NR1I2: variants seen among roughly 807,000 people sequenced by gnomAD.
The protein encoded by NR1I2 is nuclear receptor subfamily 1 group I member 2, also known as orphan nuclear receptor PAR1.
In NR1I2, 42 loss-of-function variants were observed where a neutral mutation model predicts 43.3. The ratio of observed to expected loss-of-function variants is 0.97; its 90% CI spans 0.76 to 1.26. The LOEUF (loss-of-function observed/expected upper bound fraction) is 1.26. NR1I2 is among the 50% of genes most tolerant of loss of function. The probability of loss-of-function intolerance (pLI) is 0.00; values close to 1 mark genes in which losing one functional copy is unlikely to be tolerated. For missense variants in NR1I2, 559 were observed against 566.7 expected (o/e 0.99, Z 0.14); for synonymous variants, 229 against 215.0 (o/e 1.06, Z -0.57).
Position 119,807,443 on chromosome 3 carries a change from T to C in NR1I2, c.193T>C (p.Phe65Leu), listed in dbSNP as rs1316167492. Residue 65 changes from phenylalanine (F) to leucine (L), a missense_variant, in exon 2 of 9, where the codon TTC (phenylalanine) becomes CTC (leucine). By Grantham distance (22) the Phe-to-Leu change is conservative (BLOSUM62 0). This residue lies in a region of NR1I2 where 232 missense variants were observed against 236.6 expected (regional missense o/e 0.98). Transcript: ENST00000393716. ...GACATGTGAAGGATGCAAGGGCTTT[T>C]TCAGGTAGAGTTACCCATCAGCCTT... The C allele has an allele frequency of 1.2e-6, 2 of 1,613,300 alleles. No individual in the cohort carries two copies. Among genetic ancestry groups the C allele is most frequent in the South Asian group, 2.2e-5 (2 of 91,030 alleles).
chr3:119,816,683 A>G (rs1484853878), intron 8 of NR1I2, among the ~76,000 whole-genome samples: 1 of 152,058 alleles, frequency 6.6e-6, no homozygotes, highest in Non-Finnish European at 1.5e-5. Context: ...TTAGCCAGGT[A>G]TGGTGGCATG....
intron 1 of NR1I2, among the ~76,000 whole-genome samples, chr3:119,806,149 G>A (rs555502347): frequency 6.6e-6 from 1 of 152,326 alleles, no homozygotes; most frequent in South Asian, 2.1e-4. Context: ...AGTGCCTAGA[G>A]AGAATTTTGG....
intron 2 of NR1I2, 95 bp downstream of exon 2, chr3:119,807,542 T>C: frequency 9.1e-7 from 1 of 1,099,100 alleles, no homozygotes; most frequent in Non-Finnish European, 1.4e-6. Context: ...AGGTTCAGAG[T>C]GTGGGCTGGT....
intron 3 of NR1I2, among the ~76,000 whole-genome samples, chr3:119,810,725 T>C (rs1411330150): frequency 6.6e-6 from 1 of 152,216 alleles, no homozygotes; most frequent in Non-Finnish European, 1.5e-5. Flanking sequence ...CACTATGAGA[T>C]TAAGGCTCAT....
chr3:119,804,508 G>A (rs1263256373), intron 1 of NR1I2, among the ~76,000 whole-genome samples: 3 of 145,778 alleles, frequency 2.1e-5, no homozygotes, highest in Non-Finnish European at 3.0e-5. Flanking sequence ...GCAGTGGCGC[G>A]ATTTCGGCTC....
At chr3:119,802,994 G>A (rs1461295021) in intron 1 of NR1I2, 5 of 456,360 alleles carry the variant, frequency 1.1e-5, no homozygotes, top group African/African-American at 6.0e-5. Flanking sequence ...GGGTGATTGG[G>A]TCATGAGGGT....
At chr3:119,787,657 A>ATGTGTG (rs3030846) in intron 1 of NR1I2, among the ~76,000 whole-genome samples, 12 of 128,444 alleles carry the variant, frequency 9.3e-5, no homozygotes, top group African/African-American at 3.3e-4. Context: ...TGCTATTAAT[A>ATGTGTG]TGTGTGTGTG....
intron 1 of NR1I2, among the ~76,000 whole-genome samples, chr3:119,789,086 G>A (rs2054883472): frequency 6.6e-6 from 1 of 152,136 alleles, no homozygotes; most frequent in Non-Finnish European, 1.5e-5. Context: ...TGTAAGCACA[G>A]GCTCCAGGTT....
At position 119,817,286 on chromosome 3, in the gene NR1I2, G is replaced by T; in HGVS notation, c.*74G>T. ...CTCTGAGCCGCCACTCCCGGGCCAA[G>T]ACAGATGGACACTGCCAAGAGCCGA... On this transcript the variant is annotated 3_prime_UTR_variant, in exon 9 of 9. Coordinates refer to ENST00000393716, the MANE Select transcript of NR1I2 (RefSeq NM_003889.4). 4.4e-6 allele frequency: 7 copies of T among 1,605,480 alleles called. No individual in the cohort carries two copies. Among genetic ancestry groups the T allele is most frequent in the Non-Finnish European group, 5.9e-6 (7 of 1,179,230 alleles).
At chr3:119,797,732 G>C (rs1287252483) in intron 1 of NR1I2, among the ~76,000 whole-genome samples, 1 of 152,120 alleles carries the variant, frequency 6.6e-6, no homozygotes, top group East Asian at 1.9e-4. Flanking sequence ...CCCTCCTGAA[G>C]TTCCATGCTC....
At chr3:119,806,088 TG>T (rs1271477335) in intron 1 of NR1I2, among the ~76,000 whole-genome samples, 2 of 152,218 alleles carry the variant, frequency 1.3e-5, no homozygotes, top group African/African-American at 4.8e-5. Flanking sequence ...GTTTCGATTT[TG>T]GCATTAGAAA....
chr3:119,817,184 A>G lies in NR1I2; in HGVS notation c.1277A>G (p.Gln426Arg). 2.5e-6 allele frequency: 4 copies of G among 1,614,074 alleles called. No homozygotes were observed. Among genetic ancestry groups the G allele is most frequent in the South Asian group, 1.1e-5 (1 of 91,080 alleles). The change falls in exon 9 of 9, where the codon CAG becomes CGG. Residue 426 changes from glutamine to arginine, a missense_variant. By Grantham distance (43) the Gln-to-Arg change is conservative (BLOSUM62 1). Around this residue, in one of 3 missense-constraint regions of NR1I2, gnomAD observed 323 missense variants for 312.2 expected, o/e 1.03. Transcript: ENST00000393716. The stretch of plus-strand genomic sequence containing the variant: ...CACCCCTTTGCTACGCCCCTCATGC[A>G]GGAGTTGTTCGGCATCACAGGTAGC...
intron 1 of NR1I2, among the ~76,000 whole-genome samples, chr3:119,795,204 G>T: frequency 6.6e-6 from 1 of 152,168 alleles, no homozygotes; most frequent in East Asian, 1.9e-4. Context: ...CGACTCTCCG[G>T]CTGTGACCCT....
chr3:119,799,423 T>C (rs1426355814), intron 1 of NR1I2, among the ~76,000 whole-genome samples: 2 of 152,250 alleles, frequency 1.3e-5, no homozygotes, highest in Non-Finnish European at 2.9e-5. Context: ...TCATATATTC[T>C]GGATACAAGT....
At chr3:119,810,737 C>T (rs1447679630) in intron 3 of NR1I2, among the ~76,000 whole-genome samples, 3 of 152,166 alleles carry the variant, frequency 2.0e-5, no homozygotes, top group East Asian at 1.9e-4. Context: ...AAGGCTCATG[C>T]GGAAAAGGCT....
chr3:119,815,134 G>A lies in NR1I2; in HGVS notation c.937+13G>A, dbSNP rs763345048. ...GAAGACACTGCAGGTGCCCGAGAGA[G>A]CCTGCCTGCCCTGGCAGAGGGAGGG... On this transcript the variant is annotated intron_variant, in intron 6 of 8. Transcript: ENST00000393716. 1.9e-6 allele frequency: 3 copies of A among 1,614,136 alleles called. No homozygotes were observed. The highest frequency in any genetic ancestry group is 2.5e-6 in the Non-Finnish European group (3 of 1,180,028).
At chr3:119,812,066 G>A (rs908806830) in intron 4 of NR1I2, among the ~76,000 whole-genome samples, 1 of 152,154 alleles carries the variant, frequency 6.6e-6, no homozygotes, top group Non-Finnish European at 1.5e-5. Context: ...CTTTAAGGCA[G>A]GTAGGAACTG....
intron 1 of NR1I2, among the ~76,000 whole-genome samples, chr3:119,791,386 G>A (rs1399468478): frequency 1.3e-5 from 2 of 152,180 alleles, no homozygotes; most frequent in Non-Finnish European, 2.9e-5. Flanking sequence ...GGAGAGGTGG[G>A]AGGCTGTGAA....
Position 119,815,747 on chromosome 3 carries a change from A to G in NR1I2, c.1076A>G (p.His359Arg), listed in dbSNP as rs773969078. Residue 359 changes from histidine to arginine, a missense_variant, in exon 8 of 9, where the codon CAC becomes CGC. Coordinates refer to ENST00000393716, the MANE Select transcript of NR1I2 (RefSeq NM_003889.4). ...CCAGACCGCCCAGGTGTGCTGCAGCACCGCGTGGTGGACCAGCTGCAGGAG... is the reference window on the plus strand; with the variant it reads ...CCAGACCGCCCAGGTGTGCTGCAGCGCCGCGTGGTGGACCAGCTGCAGGAG... 4 of 1,613,610 alleles carry G rather than the reference A, an allele frequency of 2.5e-6. No homozygotes were observed. Among genetic ancestry groups the G allele is most frequent in the Non-Finnish European group, 3.4e-6 (4 of 1,179,824 alleles).
Sources: gnomAD v4.1 joint callset for allele counts (sites outside exome capture counted in the v4.1 genomes callset) on GRCh38, gnomAD v4.1.1 for gene constraint, gnomAD v4.1.1 regional missense constraint, MANE v1.5 for transcripts, NCBI Gene and HGNC (gene_info 2026-07-23, HGNC 2026-07-21) for gene names.